The following BICDL1 variants were observed in gnomAD, a reference collection of about 807,000 sequenced individuals.
BICDL1 encodes BICD family-like cargo adapter 1.
In BICDL1, 20 loss-of-function variants were observed where a neutral mutation model predicts 76.8. The ratio of observed to expected loss-of-function variants is 0.26; its 90% CI spans 0.18 to 0.38. BICDL1 has a LOEUF of 0.38. Ranked by LOEUF, BICDL1 falls within the 10% of genes least tolerant of loss-of-function variation. BICDL1 has a pLI of 1.00. For missense variants in BICDL1, 700 were observed against 798.6 expected (o/e 0.88, Z 1.49); for synonymous variants, 383 against 337.1 (o/e 1.14, Z -1.49).
chr12:120,047,996 A>G (rs184986212), intron 2 of BICDL1, among the ~76,000 whole-genome samples: 1 of 152,206 alleles, frequency 6.6e-6, no homozygotes, highest in African/African-American at 2.4e-5. Flanking sequence ...TAAAATAAAA[A>G]AAACAAGCAA....
chr12:120,090,160 A>AG, intron 9 of BICDL1, 89 bp downstream of exon 9: 7 of 1,500,888 alleles, frequency 4.7e-6, no homozygotes, highest in Non-Finnish European at 6.3e-6. Context: ...TTGCCACTGG[A>AG]GGGTTCCATG....
intron 2 of BICDL1, among the ~76,000 whole-genome samples, chr12:120,024,842 T>C (rs1034312937): frequency 6.6e-6 from 1 of 151,666 alleles, no homozygotes; most frequent in Non-Finnish European, 1.5e-5. Flanking sequence ...GTTGTTGTTG[T>C]TGTTGTTATA....
At position 120,071,905 on chromosome 12, in the gene BICDL1, G is replaced by C; in HGVS notation, c.1089+104G>C. ...GCCATCCTGGCAAGGCTGTGCCCCT[G>C]TGCCTGTGTCAGCCCCTTGGCCTGC... On this transcript the variant is annotated intron_variant, in intron 5 of 9. Transcript: ENST00000548673. This position sits in a 1 kb window ranked among gnomAD's most constrained non-coding sequence, Gnocchi z 4.8. 1 of 1,423,290 alleles carries C rather than the reference G, an allele frequency of 7.0e-7. No homozygotes were observed. Among genetic ancestry groups the C allele is most frequent in the Non-Finnish European group, 9.2e-7 (1 of 1,090,444 alleles). 88.2% of individuals were successfully genotyped at this position (1,423,290 alleles called of 1,614,324 possible). A position where few individuals can be genotyped will look rare whatever the true frequency, so the allele number is the denominator to read the frequency against.
At chr12:120,013,605 G>T (rs1236272077) in intron 2 of BICDL1, among the ~76,000 whole-genome samples, 1 of 151,930 alleles carries the variant, frequency 6.6e-6, no homozygotes, top group African/African-American at 2.4e-5. Context: ...GGGATTACAG[G>T]TGCCCGCCAC....
intron 2 of BICDL1, among the ~76,000 whole-genome samples, chr12:120,055,950 T>C (rs959476518): frequency 2.6e-5 from 4 of 152,172 alleles, no homozygotes; most frequent in Non-Finnish European, 5.9e-5. Flanking sequence ...AGCACAAAGA[T>C]GGGTGAACAA....
chr12:120,078,642 T>C (rs1244426909), intron 7 of BICDL1, among the ~76,000 whole-genome samples: 1 of 152,214 alleles, frequency 6.6e-6, no homozygotes, highest in Non-Finnish European at 1.5e-5. Context: ...TTTCCGCTTA[T>C]TATAAAAAGT....
Position 120,061,727 on chromosome 12 carries a change from A to G in BICDL1, c.663A>G (p.Arg221=). 1.2e-6 allele frequency: 2 copies of G among 1,613,972 alleles called. No individual in the cohort carries two copies. The highest frequency in any genetic ancestry group is 1.1e-5 in the South Asian group (1 of 91,088). The change falls in exon 3 of 10, where the codon AGA becomes AGG. Residue 221 remains arginine (R), a synonymous_variant. Transcript: ENST00000548673. Reference sequence around the variant, plus strand: ...TGTTTCAGGCATCAGAAGTTGAGAGACAACTCTCCATGCAGGTCCACGCCC... The same window carrying G: ...TGTTTCAGGCATCAGAAGTTGAGAGGCAACTCTCCATGCAGGTCCACGCCC... The part of the protein sequence containing the change: ...DQLSRASEVE[R]QLSMQVHALR...
chr12:120,024,235 C>T (rs540555854), intron 2 of BICDL1, among the ~76,000 whole-genome samples: 2 of 152,166 alleles, frequency 1.3e-5, no homozygotes, highest in South Asian at 4.2e-4. Context: ...GAGCTGAGAT[C>T]GCACCACTGC....
intron 8 of BICDL1, among the ~76,000 whole-genome samples, chr12:120,082,443 G>A (rs1393757839): frequency 3.3e-5 from 5 of 151,962 alleles, no homozygotes; most frequent in Admixed American, 6.6e-5. Flanking sequence ...TGTTAGAGAC[G>A]GGGTTTTGCC....
intron 2 of BICDL1, among the ~76,000 whole-genome samples, chr12:120,022,945 G>C (rs1952213393): frequency 6.6e-6 from 1 of 152,188 alleles, no homozygotes; most frequent in South Asian, 2.1e-4. Context: ...CAGGTCTCTT[G>C]AGTATTCATC....
intron 2 of BICDL1, among the ~76,000 whole-genome samples, chr12:120,035,049 G>A (rs934774148): frequency 6.6e-6 from 1 of 152,142 alleles, no homozygotes; most frequent in Non-Finnish European, 1.5e-5. Flanking sequence ...AAGAATAAAA[G>A]GAGAGGCTGG....
chr12:120,006,886 A>T (rs1951860660), intron 2 of BICDL1, among the ~76,000 whole-genome samples: 1 of 151,620 alleles, frequency 6.6e-6, no homozygotes, highest in African/African-American at 2.4e-5. Context: ...CTTTTAAAAG[A>T]TTAGTTACTC....
At chr12:119,994,551 G>A (rs181094990) in intron 1 of BICDL1, among the ~76,000 whole-genome samples, 2 of 151,886 alleles carry the variant, frequency 1.3e-5, no homozygotes, top group South Asian at 2.1e-4. Context: ...GTGCAGTGGC[G>A]CCATCTTGGC....
intron 2 of BICDL1, among the ~76,000 whole-genome samples, chr12:120,013,436 CAG>C (rs1443199845): frequency 5.0e-5 from 6 of 120,122 alleles, no homozygotes; most frequent in Admixed American, 1.7e-4. Flanking sequence ...TGTCTTTAAC[CAG>C]AGTGTGTGTG....
intron 2 of BICDL1, 125 bp downstream of exon 2, chr12:119,998,861 T>A: frequency 1.2e-6 from 1 of 843,504 alleles, no homozygotes; most frequent in Non-Finnish European, 1.8e-6. Flanking sequence ...TTCAGACCAA[T>A]CTGGGCAACA....
chr12:119,999,722 T>C (rs762371956), intron 2 of BICDL1: 3 of 412,780 alleles, frequency 7.3e-6, no homozygotes, highest in South Asian at 1.8e-5. Context: ...AATGCAGGAA[T>C]GTTATTAATG....
At chr12:120,037,575 CTT>C in intron 2 of BICDL1, among the ~76,000 whole-genome samples, 1 of 152,064 alleles carries the variant, frequency 6.6e-6, no homozygotes, top group East Asian at 1.9e-4. Flanking sequence ...TGAGAGAGAA[CTT>C]TATACCTGAA....
At chr12:120,038,142 G>GT (rs1952562151) in intron 2 of BICDL1, among the ~76,000 whole-genome samples, 1 of 152,144 alleles carries the variant, frequency 6.6e-6, no homozygotes, top group Admixed American at 6.5e-5. Context: ...CCAAAAATAG[G>GT]TGATCCCTGT....
chr12:120,037,559 C>G (rs1952552048), intron 2 of BICDL1, among the ~76,000 whole-genome samples: 1 of 151,990 alleles, frequency 6.6e-6, no homozygotes, highest in East Asian at 1.9e-4. Flanking sequence ...GAATAGTGCT[C>G]AGCAATGAGA....
Sources: gnomAD v4.1 joint callset for allele counts (sites outside exome capture counted in the v4.1 genomes callset) on GRCh38, gnomAD v4.1.1 for gene constraint, Gnocchi (gnomAD v3.1) non-coding constraint, MANE v1.5 for transcripts, NCBI Gene and HGNC (gene_info 2026-07-23, HGNC 2026-07-21) for gene names.